Variants in CEP128 observed in about 807,000 individuals in gnomAD.
CEP128 encodes centrosomal protein 128kDa.
In CEP128, 132 loss-of-function variants were observed where a neutral mutation model predicts 156.7. The observed-to-expected ratio is 0.84, with a 90% confidence interval of 0.73 to 0.97. CEP128 has a LOEUF of 0.97. Among genes scored for constraint, CEP128 ranks in the 50% least tolerant of loss-of-function variants. CEP128 has a pLI of 0.00. For synonymous variants in CEP128, 469 were observed against 448.9 expected (o/e 1.04, Z -0.57); for missense variants, 1,252 against 1,281.9 (o/e 0.98, Z 0.36).
intron 3 of CEP128, among the ~76,000 whole-genome samples, chr14:80,915,938 A>G (rs1200770409): frequency 6.6e-6 from 1 of 152,232 alleles, no homozygotes; most frequent in Admixed American, 6.5e-5. Context: ...GGGATTTTGC[A>G]AATGTGATTA....
intron 19 of CEP128, among the ~76,000 whole-genome samples, chr14:80,658,054 T>C (rs1048473034): frequency 8.5e-5 from 13 of 152,282 alleles, no homozygotes; most frequent in African/African-American, 3.1e-4. Context: ...CTGTTTATAG[T>C]TTTTTTCTAA....
chr14:80,932,367 A>G (rs1437218995), intron 2 of CEP128, among the ~76,000 whole-genome samples: 2 of 152,258 alleles, frequency 1.3e-5, no homozygotes, highest in African/African-American at 4.8e-5. Context: ...AACTTTGTCC[A>G]TGCTAGAAGA....
At chr14:80,543,606 T>C (rs1055931226) in intron 21 of CEP128, among the ~76,000 whole-genome samples, 4 of 152,148 alleles carry the variant, frequency 2.6e-5, no homozygotes, top group African/African-American at 9.7e-5. Flanking sequence ...TGAAAACCAG[T>C]GGATACAATA....
At chr14:80,685,598 T>C (rs939034833) in intron 19 of CEP128, among the ~76,000 whole-genome samples, 3 of 151,920 alleles carry the variant, frequency 2.0e-5, no homozygotes, top group African/African-American at 2.4e-5. Context: ...AAAAATTAAA[T>C]ATAAAAAAAA....
At chr14:80,586,599 C>T (rs554554633) in intron 19 of CEP128, among the ~76,000 whole-genome samples, 2 of 152,180 alleles carry the variant, frequency 1.3e-5, no homozygotes, top group South Asian at 4.2e-4. Flanking sequence ...CAAAAGAAAA[C>T]TTCATTAAAG....
At chr14:80,670,366 A>ATCTG (rs998347671) in intron 19 of CEP128, among the ~76,000 whole-genome samples, 3 of 152,262 alleles carry the variant, frequency 2.0e-5, no homozygotes, top group Non-Finnish European at 4.4e-5. Context: ...AGACACAGTG[A>ATCTG]TCTGTCTGTC....
intron 19 of CEP128, among the ~76,000 whole-genome samples, chr14:80,604,694 C>T (rs1892711793): frequency 6.6e-6 from 1 of 152,044 alleles, no homozygotes; most frequent in African/African-American, 2.4e-5. Flanking sequence ...TCGCTTTGTT[C>T]CTACTTTTAT....
At chr14:80,684,306 A>G (rs915847836) in intron 19 of CEP128, among the ~76,000 whole-genome samples, 20 of 152,174 alleles carry the variant, frequency 1.3e-4, no homozygotes, top group African/African-American at 4.6e-4. Flanking sequence ...TTCAGAGAGT[A>G]TTACAAACAC....
chr14:80,601,924 G>T (rs1177589227), intron 19 of CEP128, among the ~76,000 whole-genome samples: 2 of 152,110 alleles, frequency 1.3e-5, no homozygotes, highest in Non-Finnish European at 2.9e-5. Context: ...AAAAAGTGGA[G>T]ATTGGCAGAT....
At chr14:80,681,192 G>A (rs1420641537) in intron 19 of CEP128, among the ~76,000 whole-genome samples, 1 of 151,844 alleles carries the variant, frequency 6.6e-6, no homozygotes, top group Non-Finnish European at 1.5e-5. Context: ...TCCCTAGCGA[G>A]GAAGGGAAAA....
chr14:80,838,949 A>G (rs1338991746), intron 10 of CEP128, among the ~76,000 whole-genome samples: 1 of 152,138 alleles, frequency 6.6e-6, no homozygotes, highest in African/African-American at 2.4e-5. Context: ...AATACAAAAA[A>G]TTAGTCAGGC....
At chr14:80,827,716 T>C (rs573820522) in intron 13 of CEP128, among the ~76,000 whole-genome samples, 6 of 152,286 alleles carry the variant, frequency 3.9e-5, no homozygotes, top group Non-Finnish European at 7.4e-5. Flanking sequence ...TCTGATTCTG[T>C]GTTCATTAAG....
At chr14:80,828,836 C>T (rs1885629018) in intron 13 of CEP128, among the ~76,000 whole-genome samples, 1 of 152,156 alleles carries the variant, frequency 6.6e-6, no homozygotes, top group African/African-American at 2.4e-5. Context: ...CCAATGATCT[C>T]ATTTTGTGCA....
rs139894741 is a variant in CEP128, at chr14:80,574,319, C to T, written c.2856+6055G>A. Among the ~76,000 whole-genome samples, 158 of 152,256 alleles carry T rather than the reference C, an allele frequency of 1.0e-3. 3 individuals are homozygous for T. In the South Asian group the frequency reaches 0.011, roughly 11 times the overall value. On this transcript the variant is annotated intron_variant, in intron 20 of 24. Coordinates refer to ENST00000555265, the MANE Select transcript of CEP128 (RefSeq NM_152446.5). Reference sequence around the variant, plus strand: ...TTCCGAGGGAACTCTAAAATGGACTCGTGGCTGCCCCACCCTGCATTTCTA... The same window carrying T: ...TTCCGAGGGAACTCTAAAATGGACTTGTGGCTGCCCCACCCTGCATTTCTA...
intron 19 of CEP128, among the ~76,000 whole-genome samples, chr14:80,621,086 A>G (rs1238395495): frequency 6.6e-6 from 1 of 152,226 alleles, no homozygotes; most frequent in African/African-American, 2.4e-5. Context: ...TTTCATGCAA[A>G]TAAGGCAAAA....
chr14:80,945,042 T>C (rs77671613), upstream of CEP128, among the ~76,000 whole-genome samples: 152 of 152,214 alleles, frequency 1.0e-3, no homozygotes, highest in East Asian at 0.013. Flanking sequence ...ATTAGTTTAC[T>C]AGGGATTTGA....
Position 80,895,825 on chromosome 14 carries a change from G to A in CEP128, c.573-35C>T, listed in dbSNP as rs1445224239. On this transcript the variant is annotated intron_variant, in intron 7 of 24. Coordinates refer to ENST00000555265, the MANE Select transcript of CEP128 (RefSeq NM_152446.5). ...AAAAAAAAAAAAAGATTTAAATTTG[G>A]ATATTTAGAAAATACACAGAACGAG... The A allele has an allele frequency of 1.1e-5, 14 of 1,322,450 alleles. No individual in the cohort carries two copies. The Middle Eastern group carries it at 9.1e-4, about 86-fold the overall frequency. The allele number at this position is 1,322,450 out of a possible 1,614,324, so 81.9% of individuals were successfully genotyped here. A position where few individuals can be genotyped will look rare whatever the true frequency, so the allele number is the denominator to read the frequency against.
intron 20 of CEP128, among the ~76,000 whole-genome samples, chr14:80,579,042 A>G (rs532254064): frequency 4.1e-4 from 62 of 152,296 alleles, no homozygotes; most frequent in South Asian, 1.4e-3. Context: ...TATTAAATTT[A>G]ATGAGATTAC....
chr14:80,693,977 G>A (rs921579080), intron 19 of CEP128, among the ~76,000 whole-genome samples: 2 of 152,168 alleles, frequency 1.3e-5, no homozygotes, highest in Non-Finnish European at 2.9e-5. Context: ...AGTGGGGATA[G>A]AGAAGAAAGT....
Sources: allele counts gnomAD v4.1 joint callset (sites outside exome capture counted in the v4.1 genomes callset), GRCh38; gene constraint gnomAD v4.1.1; transcripts MANE v1.5; gene names NCBI Gene and HGNC (gene_info 2026-07-23, HGNC 2026-07-21).